SEZ6L: variants seen among roughly 807,000 people sequenced by gnomAD.
The protein encoded by SEZ6L is seizure related 6 homolog like, also known as seizure 6-like protein.
A neutral mutation model predicts 106.2 loss-of-function variants in SEZ6L; 37 were observed. The ratio of observed to expected loss-of-function variants is 0.35; its 90% CI spans 0.27 to 0.46. The LOEUF is 0.46. Ranked by LOEUF, SEZ6L falls within the 20% of genes least tolerant of loss-of-function variation. The pLI is 1.00. For missense variants in SEZ6L, 1,172 were observed against 1,332.8 expected (o/e 0.88, Z 1.88); for synonymous variants, 541 against 570.4 (o/e 0.95, Z 0.73).
At chr22:26,325,072 C>T (rs1405913858) in intron 9 of SEZ6L, among the ~76,000 whole-genome samples, 2 of 152,162 alleles carry the variant, frequency 1.3e-5, no homozygotes, top group Non-Finnish European at 2.9e-5. Context: ...GCTCCATGTG[C>T]CTCTCATCCT....
At chr22:26,189,221 A>G (rs181062198) in intron 1 of SEZ6L, among the ~76,000 whole-genome samples, 3 of 152,344 alleles carry the variant, frequency 2.0e-5, no homozygotes, top group East Asian at 3.9e-4. Flanking sequence ...GGTAGATACC[A>G]TTATTGCCAC....
At chr22:26,242,077 C>A (rs536684072) in intron 1 of SEZ6L, among the ~76,000 whole-genome samples, 9 of 152,200 alleles carry the variant, frequency 5.9e-5, no homozygotes, top group Non-Finnish European at 1.3e-4. Context: ...GACAAGGTGT[C>A]ACTTGACCAA....
Position 26,297,041 on chromosome 22 carries a change from C to T in SEZ6L, c.1123C>T (p.Gln375Ter). The change falls in exon 4 of 17, where the codon CAG (glutamine) becomes TAG (stop). Residue 375 changes from glutamine (Q) to a stop codon, truncating the protein, a stop_gained. Coordinates refer to ENST00000248933, the MANE Select transcript of SEZ6L (RefSeq NM_021115.5). LOFTEE classifies it high-confidence loss of function. ...CATCTCCGTCTACTTCCGGACCTTCCAGGACGACGGCCTTGGGACCTTCCA... is the reference window on the plus strand; with the variant it reads ...CATCTCCGTCTACTTCCGGACCTTCTAGGACGACGGCCTTGGGACCTTCCA... ...NTISVYFRTF[Q>*]DDGLGTFQLH... 6.2e-7 allele frequency: 1 copy of T among 1,613,912 alleles called. No homozygotes were observed. The highest frequency in any genetic ancestry group is 8.5e-7 in the Non-Finnish European group (1 of 1,179,900).
At chr22:26,287,353 C>T (rs1405070815) in intron 1 of SEZ6L, among the ~76,000 whole-genome samples, 1 of 152,156 alleles carries the variant, frequency 6.6e-6, no homozygotes, top group African/African-American at 2.4e-5. Context: ...TGTTCACTCT[C>T]TTGTGTCGGG....
chr22:26,199,710 G>A (rs902139453), intron 1 of SEZ6L, among the ~76,000 whole-genome samples: 1 of 152,178 alleles, frequency 6.6e-6, no homozygotes, highest in African/African-American at 2.4e-5. Context: ...GCAGTTTGGT[G>A]AATTCCCTTC....
chr22:26,348,318 A>G (rs1488813841), intron 11 of SEZ6L, among the ~76,000 whole-genome samples: 1 of 151,874 alleles, frequency 6.6e-6, no homozygotes, highest in Non-Finnish European at 1.5e-5. Flanking sequence ...CAATACAGTG[A>G]GACCCTATCT....
intron 10 of SEZ6L, among the ~76,000 whole-genome samples, chr22:26,342,058 T>C (rs1376146132): frequency 6.6e-6 from 1 of 152,188 alleles, no homozygotes; most frequent in Non-Finnish European, 1.5e-5. Context: ...CCATGCTTCC[T>C]CATCCCTAGC....
rs1418018691 is a variant in SEZ6L, at chr22:26,382,150, G to A, written c.*1855G>A. 1.3e-5 allele frequency: 6 copies of A among 457,672 alleles called. No homozygotes were observed. 28.4% of individuals were successfully genotyped at this position (457,672 alleles called of 1,614,324 possible). On this transcript the variant is annotated 3_prime_UTR_variant, in exon 17 of 17. Coordinates refer to ENST00000248933, the MANE Select transcript of SEZ6L (RefSeq NM_021115.5). ...TGGTCCATGGCAAGAAATAGCTAAA[G>A]GCTGCTTTCCAGGACCCAAAGCCCC... is the stretch of plus-strand genomic sequence containing the variant.
At chr22:26,285,534 G>A (rs2080908923) in intron 1 of SEZ6L, among the ~76,000 whole-genome samples, 1 of 152,168 alleles carries the variant, frequency 6.6e-6, no homozygotes, top group Admixed American at 6.5e-5. Context: ...TGCCACCCAG[G>A]AAACATCTGG....
intron 15 of SEZ6L, among the ~76,000 whole-genome samples, chr22:26,376,123 G>A (rs2084214990): frequency 6.6e-6 from 1 of 151,940 alleles, no homozygotes; most frequent in Non-Finnish European, 1.5e-5. Flanking sequence ...CACCAGAATA[G>A]CCACTCATTC....
intron 1 of SEZ6L, among the ~76,000 whole-genome samples, chr22:26,199,413 G>T (rs933289096): frequency 1.8e-4 from 27 of 152,156 alleles, no homozygotes; most frequent in African/African-American, 6.5e-4. Context: ...GATTTAACTT[G>T]TATCTATTCA....
chr22:26,366,791 T>G (rs1407980769), intron 13 of SEZ6L, among the ~76,000 whole-genome samples: 1 of 152,154 alleles, frequency 6.6e-6, no homozygotes, highest in Non-Finnish European at 1.5e-5. Flanking sequence ...CTTCAAAGTC[T>G]GGCACTTTTG....
chr22:26,290,658 T>C (rs2081080944), intron 1 of SEZ6L, among the ~76,000 whole-genome samples: 1 of 152,156 alleles, frequency 6.6e-6, no homozygotes, highest in Non-Finnish European at 1.5e-5. Flanking sequence ...CAACCAGCCA[T>C]AGTGAGATCC....
In SEZ6L at chr22:26,169,669, G is replaced by C; in HGVS notation, c.-1G>C. The C allele has an allele frequency of 1.5e-6, 2 of 1,290,934 alleles. No individual in the cohort carries two copies. The highest frequency in any genetic ancestry group is 2.0e-6 in the Non-Finnish European group (2 of 1,005,660). 80.0% of individuals were successfully genotyped at this position (1,290,934 alleles called of 1,614,324 possible). ...GCGGCTCCGCGCCCCCTGCAGCCAC[G>C]ATGCCCGCGGCCCGGCCGCCCGCCG... On this transcript the variant is annotated 5_prime_UTR_variant, in exon 1 of 17. Transcript: ENST00000248933.
intron 1 of SEZ6L, among the ~76,000 whole-genome samples, chr22:26,278,142 C>T (rs2080613244): frequency 6.6e-6 from 1 of 152,090 alleles, no homozygotes; most frequent in Admixed American, 6.6e-5. Flanking sequence ...TTGAAGTTTA[C>T]CAGGCAGGGA....
intron 6 of SEZ6L, 72 bp from the exon 7 acceptor site, chr22:26,310,598 C>T: frequency 6.5e-7 from 1 of 1,531,548 alleles, no homozygotes; most frequent in Admixed American, 1.7e-5. Flanking sequence ...AGTCGTAGCA[C>T]ATCCCTTCCT....
intron 7 of SEZ6L, among the ~76,000 whole-genome samples, chr22:26,311,123 T>A (rs1264364737): frequency 2.6e-5 from 4 of 152,198 alleles, no homozygotes; most frequent in Non-Finnish European, 5.9e-5. Context: ...AGAACTGTTA[T>A]TCTATCTGAT....
intron 1 of SEZ6L, among the ~76,000 whole-genome samples, chr22:26,258,404 G>A (rs1334805444): frequency 2.0e-5 from 3 of 152,174 alleles, no homozygotes; most frequent in South Asian, 2.1e-4. Flanking sequence ...CTTCCTGGAG[G>A]AGGCAATGCC....
At chr22:26,361,992 A>G (rs1312266654) in intron 12 of SEZ6L, among the ~76,000 whole-genome samples, 4 of 151,542 alleles carry the variant, frequency 2.6e-5, no homozygotes, top group African/African-American at 9.7e-5. Context: ...TATACCATCT[A>G]TGCTTATTGT....
Sources: gnomAD v4.1 joint callset for allele counts (sites outside exome capture counted in the v4.1 genomes callset) on GRCh38, gnomAD v4.1.1 for gene constraint, MANE v1.5 for transcripts, NCBI Gene and HGNC (gene_info 2026-07-23, HGNC 2026-07-21) for gene names.